The following RB1CC1 variants were observed in gnomAD, a reference collection of about 807,000 sequenced individuals.
RB1CC1 encodes RB1-inducible coiled-coil protein 1.
Under a neutral mutation model 177.5 loss-of-function variants are expected in RB1CC1, and 46 were observed. The ratio of observed to expected loss-of-function variants is 0.26; its 90% confidence interval spans 0.20 to 0.33. The LOEUF is 0.33. Among genes scored for constraint, RB1CC1 ranks in the 10% least tolerant of loss-of-function variants. RB1CC1 has a pLI of 1.00. For synonymous variants in RB1CC1, 666 were observed against 613.6 expected (o/e 1.09, Z -1.26); for missense variants, 1,703 against 1,816.3 (o/e 0.94, Z 1.13).
rs896515154 is a variant in RB1CC1 at position 52,635,005 on chromosome 8, G to A, written c.4393-37C>T. On this transcript the variant is annotated intron_variant, in intron 19 of 23. Coordinates refer to ENST00000025008, the MANE Select transcript of RB1CC1 (RefSeq NM_014781.5). ...AAAAAGAGACCTGTGGTTTATCCTTGTACCTACTCAAATAAATCTAAACAG... is the reference window on the plus strand; with the variant it reads ...AAAAAGAGACCTGTGGTTTATCCTTATACCTACTCAAATAAATCTAAACAG... 5.2e-6 allele frequency: 8 copies of A among 1,541,036 alleles called. No homozygotes were observed. In the Admixed American group the frequency reaches 5.7e-5, roughly 11 times the overall value.
At chr8:52,698,400 G>A (rs1334735191) in intron 1 of RB1CC1, among the ~76,000 whole-genome samples, 2 of 150,836 alleles carry the variant, frequency 1.3e-5, no homozygotes, top group Admixed American at 6.6e-5. Flanking sequence ...TTGGCTCACC[G>A]GAAGCTCCGC....
At chr8:52,698,454 C>G (rs1441383238) in intron 1 of RB1CC1, among the ~76,000 whole-genome samples, 1 of 151,656 alleles carries the variant, frequency 6.6e-6, no homozygotes, top group Non-Finnish European at 1.5e-5. Flanking sequence ...TCCCGAGTAG[C>G]TGGGACTACC....
Position 52,657,419 on chromosome 8 carries a change from C to G in RB1CC1, c.2410G>C (p.Val804Leu), listed in dbSNP as rs750475940. Residue 804 changes from valine (V) to leucine (L), a missense_variant, in exon 15 of 24, where the codon GTT becomes CTT. Around this residue, in one of 6 missense-constraint regions of RB1CC1, gnomAD observed 1,169 missense variants for 1,184.7 expected, o/e 0.99. Coordinates refer to ENST00000025008, the MANE Select transcript of RB1CC1 (RefSeq NM_014781.5). ...LNVQLERCRVVAQDSHFSIQT... is the reference protein window; with the variant it reads ...LNVQLERCRVLAQDSHFSIQT... The stretch of plus-strand genomic sequence containing the variant: ...ATACTGAAGTGAGAGTCTTGGGCAA[C>G]AACTCTACATCTTTCCAACTGGACA... 4.3e-6 allele frequency: 7 copies of G among 1,613,856 alleles called. No homozygotes were observed. The East Asian group carries it at 1.6e-4, about 36-fold the overall frequency.
At chr8:52,711,509 C>A (rs985781606) in intron 1 of RB1CC1, among the ~76,000 whole-genome samples, 17 of 152,178 alleles carry the variant, frequency 1.1e-4, no homozygotes, top group African/African-American at 3.6e-4. Flanking sequence ...ATGAAAATTT[C>A]CAGTGGTTAC....
intron 16 of RB1CC1, 133 bp downstream of exon 16, chr8:52,645,569 T>C: frequency 1.0e-6 from 1 of 957,058 alleles, no homozygotes; most frequent in Non-Finnish European, 1.5e-6. Flanking sequence ...AAGAGGAAAT[T>C]TATTAACAGG....
chr8:52,652,234 A>G lies in RB1CC1; in HGVS notation c.3821+3774T>C, dbSNP rs373848971. 1.3e-4 allele frequency among the ~76,000 whole-genome samples: 20 copies of G among 152,234 alleles called. No homozygotes were observed. The East Asian group carries it at 2.9e-3, about 22-fold the overall frequency. On this transcript the variant is annotated intron_variant, in intron 15 of 23. Transcript: ENST00000025008. ...TGTAATCCCAGCACTTGGGAGGCCG[A>G]GGTGGGCAGATCACAAGGTCAGGAG... is the stretch of plus-strand genomic sequence containing the variant.
At chr8:52,663,886 A>G (rs1005070502) in intron 8 of RB1CC1, among the ~76,000 whole-genome samples, 8 of 152,184 alleles carry the variant, frequency 5.3e-5, no homozygotes, top group Non-Finnish European at 8.8e-5. Context: ...AGATAAAGCA[A>G]TGGAAGATAG....
At chr8:52,704,135 T>C (rs1856345838) in intron 1 of RB1CC1, among the ~76,000 whole-genome samples, 1 of 152,174 alleles carries the variant, frequency 6.6e-6, no homozygotes, top group Non-Finnish European at 1.5e-5. Flanking sequence ...ATCTGGTTTT[T>C]AGTCCTAGCT....
At chr8:52,706,313 T>C (rs1856541942) in intron 1 of RB1CC1, among the ~76,000 whole-genome samples, 1 of 151,390 alleles carries the variant, frequency 6.6e-6, no homozygotes, top group African/African-American at 2.4e-5. Context: ...CCATTCTAAA[T>C]ATAGCCTTCC....
chr8:52,658,992 T>A lies in RB1CC1; in HGVS notation c.1690-16A>T. On this transcript the variant is annotated splice_polypyrimidine_tract_variant and intron_variant, in intron 12 of 23. Transcript: ENST00000025008. Reference sequence around the variant, plus strand: ...GCTTTTGAGTCTGTACCAAAAAAATTAATTACTTAAAAAATTTTTTTTCAA... The same window carrying A: ...GCTTTTGAGTCTGTACCAAAAAAATAAATTACTTAAAAAATTTTTTTTCAA... The A allele has an allele frequency of 7.0e-7, 1 of 1,437,522 alleles. No homozygotes were observed. Among genetic ancestry groups the A allele is most frequent in the Non-Finnish European group, 9.3e-7 (1 of 1,079,542 alleles). 89.0% of individuals were successfully genotyped at this position (1,437,522 alleles called of 1,614,324 possible).
intron 5 of RB1CC1, among the ~76,000 whole-genome samples, chr8:52,677,675 T>C (rs1853258967): frequency 1.3e-5 from 2 of 152,184 alleles, no homozygotes; most frequent in African/African-American, 4.8e-5. Context: ...GTAAGTTATC[T>C]AGTTACCAAA....
chr8:52,703,947 G>A lies in RB1CC1; in HGVS notation c.-167+10128C>T, dbSNP rs72633844. ...GAACACTGTCGCTATTTATTCACAA[G>A]ACTGTATACTTTATGTTACATACTC... On this transcript the variant is annotated intron_variant, in intron 1 of 23. Coordinates refer to ENST00000025008, the MANE Select transcript of RB1CC1 (RefSeq NM_014781.5). 8.7e-3 allele frequency among the ~76,000 whole-genome samples: 1,330 copies of A among 152,198 alleles called. 14 individuals are homozygous for A. The highest frequency in any genetic ancestry group is 0.014 in the Non-Finnish European group (973 of 67,992).
intron 19 of RB1CC1, 26 bp downstream of exon 19, chr8:52,635,989 G>A (rs371064443): frequency 9.0e-5 from 145 of 1,603,394 alleles, no homozygotes; most frequent in Non-Finnish European, 1.1e-4. Flanking sequence ...ATTAAACATG[G>A]TACTTCAAGA....
At chr8:52,666,804 A>G (rs946591940) in intron 8 of RB1CC1, among the ~76,000 whole-genome samples, 1 of 152,160 alleles carries the variant, frequency 6.6e-6, no homozygotes, top group Non-Finnish European at 1.5e-5. Context: ...AATGTAGGTT[A>G]AAGGAAAATA....
At chr8:52,696,051 T>TACACACTCA (rs1855375312) in intron 1 of RB1CC1, among the ~76,000 whole-genome samples, 3 of 152,176 alleles carry the variant, frequency 2.0e-5, no homozygotes, top group Admixed American at 6.5e-5. Flanking sequence ...TACTATGGTT[T>TACACACTCA]TTTTGTTTTT....
Position 52,674,056 on chromosome 8 carries a change from T to C in RB1CC1, c.791A>G (p.His264Arg), listed in dbSNP as rs780866293. The change falls in exon 7 of 24, where the codon CAT (histidine) becomes CGT (arginine). Residue 264 changes from histidine to arginine, a missense_variant. His to Arg is a conservative substitution (Grantham distance 29). Coordinates refer to ENST00000025008, the MANE Select transcript of RB1CC1 (RefSeq NM_014781.5). The part of the protein sequence containing the change: ...LLTSFPKSVE[H>R]VSPDTADAES... The stretch of plus-strand genomic sequence containing the variant: ...AGCATCTGCGGTATCTGGGGACACA[T>C]GTTCCACTGACTTGGGAAATGAGGT... The C allele has an allele frequency of 2.5e-6, 4 of 1,614,178 alleles. No homozygotes were observed. The highest frequency in any genetic ancestry group is 1.3e-5 in the African/African-American group (1 of 75,048).
chr8:52,640,234 C>G (rs1276629357), intron 18 of RB1CC1, among the ~76,000 whole-genome samples: 2 of 152,090 alleles, frequency 1.3e-5, no homozygotes, highest in Admixed American at 1.3e-4. Context: ...ATAGTGGTTA[C>G]CAGAGGCTGG....
intron 15 of RB1CC1, among the ~76,000 whole-genome samples, chr8:52,653,261 A>C (rs907398041): frequency 1.3e-5 from 2 of 152,104 alleles, no homozygotes; most frequent in African/African-American, 4.8e-5. Flanking sequence ...CAGCAGAGGG[A>C]GATGAGAACA....
At position 52,657,741 on chromosome 8, in the gene RB1CC1, A is replaced by G. The variant is rs753024654; in HGVS notation, c.2088T>C (p.Asp696=). 4.3e-6 allele frequency: 7 copies of G among 1,613,978 alleles called. No homozygotes were observed. The East Asian group carries it at 1.6e-4, about 36-fold the overall frequency. The change falls in exon 15 of 24, where the codon GAT becomes GAC. Residue 696 remains aspartate, a synonymous_variant. Coordinates refer to ENST00000025008, the MANE Select transcript of RB1CC1 (RefSeq NM_014781.5). ...PLEELSPDSI[D]AHTFDFETIP... ...TAGTTTCAAAATCAAACGTATGTGC[A>G]TCAATACTATCTGGAGATAATTCTT...
Sources: allele counts gnomAD v4.1 joint callset (sites outside exome capture counted in the v4.1 genomes callset), GRCh38; gene constraint gnomAD v4.1.1; regional missense constraint gnomAD v4.1.1; transcripts MANE v1.5; gene names NCBI Gene and HGNC (gene_info 2026-07-23, HGNC 2026-07-21).